The following DLC1 variants were observed in gnomAD, a reference collection of about 807,000 sequenced individuals.
DLC1 encodes rho GTPase-activating protein 7.
DLC1 carries 54 observed loss-of-function variants against 140.3 expected under a neutral mutation model. The ratio of observed to expected loss-of-function variants is 0.38; its 90% CI spans 0.31 to 0.48. The LOEUF (loss-of-function observed/expected upper bound fraction) is 0.48, where lower values mean the gene tolerates loss of function less well. DLC1 is among the 20% of genes least tolerant of loss of function. The probability of loss-of-function intolerance (pLI) is 0.96; values close to 1 mark genes in which losing one functional copy is unlikely to be tolerated. For missense variants in DLC1, 2,536 were observed against 1,907.0 expected, an observed-to-expected ratio of 1.33 and a Z score of -6.14; for synonymous variants, 986 against 728.1, an observed-to-expected ratio of 1.35 and a Z score of -5.70.
chr8:13,454,895 T>C (rs1799317334), intron 2 of DLC1, among the ~76,000 whole-genome samples: 1 of 152,052 alleles, frequency 6.6e-6, no homozygotes, highest in Non-Finnish European at 1.5e-5. Context: ...ATTGGGACCA[T>C]TTGTTGTGGG....
At chr8:13,517,430 T>G (rs1342834957), upstream of DLC1, among the ~76,000 whole-genome samples, 1 of 152,220 alleles carries the variant, frequency 6.6e-6, no homozygotes, top group Non-Finnish European at 1.5e-5. Context: ...AAAAATACAT[T>G]ATGTTTTCTT....
chr8:13,171,978 G>C (rs938960612), intron 5 of DLC1, among the ~76,000 whole-genome samples: 2 of 152,038 alleles, frequency 1.3e-5, no homozygotes, highest in Non-Finnish European at 2.9e-5. Context: ...TAGTTAATGG[G>C]CTCAGCACCA....
intron 5 of DLC1, among the ~76,000 whole-genome samples, chr8:13,210,179 T>A (rs1044693972): frequency 6.6e-6 from 1 of 152,168 alleles, no homozygotes; most frequent in African/African-American, 2.4e-5. Flanking sequence ...ATTTCTTGCT[T>A]TTATTTTATT....
intron 5 of DLC1, among the ~76,000 whole-genome samples, chr8:13,233,317 A>T (rs1457504690): frequency 6.7e-6 from 1 of 149,530 alleles, no homozygotes; most frequent in East Asian, 1.9e-4. Context: ...AAAAAAAAAA[A>T]AAAAAAAAGA....
chr8:13,126,365 C>CCACACACACACACA (rs974648895), intron 5 of DLC1, among the ~76,000 whole-genome samples: 1 of 106,530 alleles, frequency 9.4e-6, no homozygotes, highest in African/African-American at 5.3e-5. Flanking sequence ...ATCTCTCTAT[C>CCACACACACACACA]CATACACACA....
chr8:13,528,360 A>G (rs1164676245), intron 1 of DLC1, among the ~76,000 whole-genome samples: 1 of 152,192 alleles, frequency 6.6e-6, no homozygotes, highest in Non-Finnish European at 1.5e-5. Context: ...TAAAAATTTA[A>G]CATTTTGTAA....
chr8:13,399,584 C>G (rs980776632), intron 3 of DLC1, among the ~76,000 whole-genome samples: 1 of 152,082 alleles, frequency 6.6e-6, no homozygotes, highest in Admixed American at 6.6e-5. Flanking sequence ...TCTCAGCGAG[C>G]CCTAAGAGAC....
intron 2 of DLC1, among the ~76,000 whole-genome samples, chr8:13,477,277 G>C (rs1800475992): frequency 6.6e-6 from 1 of 152,186 alleles, no homozygotes; most frequent in African/African-American, 2.4e-5. Context: ...CAAGAAGACA[G>C]CGTGGAAGAT....
chr8:13,177,189 T>C (rs1342287372), intron 5 of DLC1, among the ~76,000 whole-genome samples: 1 of 152,194 alleles, frequency 6.6e-6, no homozygotes, highest in Admixed American at 6.5e-5. Flanking sequence ...GTCTACTGTC[T>C]CTGAAAGATG....
At chr8:13,310,196 T>C (rs1832618024) in intron 4 of DLC1, among the ~76,000 whole-genome samples, 2 of 152,336 alleles carry the variant, frequency 1.3e-5, no homozygotes, top group East Asian at 1.9e-4. Context: ...CTATCTATTT[T>C]GTGCTTTCTC....
At chr8:13,383,715 G>A (rs951388610) in intron 4 of DLC1, among the ~76,000 whole-genome samples, 4 of 152,112 alleles carry the variant, frequency 2.6e-5, no homozygotes, top group Non-Finnish European at 5.9e-5. Flanking sequence ...CACTTGCATC[G>A]GTGGAAGTCA....
chr8:13,141,118 G>C (rs1321732299), intron 5 of DLC1, among the ~76,000 whole-genome samples: 2 of 151,994 alleles, frequency 1.3e-5, no homozygotes, highest in African/African-American at 4.8e-5. Context: ...AGCTGGGCAT[G>C]GTGGCGCATG....
intron 10 of DLC1, among the ~76,000 whole-genome samples, chr8:13,097,045 CA>C (rs758142389): frequency 8.5e-5 from 13 of 152,150 alleles, no homozygotes; most frequent in Non-Finnish European, 1.2e-4. Context: ...GCCTACCCCT[CA>C]CATTCTATAT....
At chr8:13,268,903 C>T (rs983402848) in intron 5 of DLC1, among the ~76,000 whole-genome samples, 1 of 127,568 alleles carries the variant, frequency 7.8e-6, no homozygotes, top group African/African-American at 3.0e-5. Context: ...GAGATGGAGT[C>T]TCACTCTGTG....
chr8:13,458,094 C>T (rs575227843), intron 2 of DLC1, among the ~76,000 whole-genome samples: 5 of 152,030 alleles, frequency 3.3e-5, no homozygotes, highest in Admixed American at 1.3e-4. Context: ...GCAATCAGTA[C>T]GGAATCCATT....
At chr8:13,576,497 A>G (rs895411636) in intron 1 of DLC1, among the ~76,000 whole-genome samples, 2 of 152,168 alleles carry the variant, frequency 1.3e-5, no homozygotes, top group Non-Finnish European at 1.5e-5. Context: ...ACATAGAAAT[A>G]TGTTGCCTCC....
chr8:13,137,964 T>C (rs1394517242), intron 5 of DLC1, among the ~76,000 whole-genome samples: 1 of 152,152 alleles, frequency 6.6e-6, no homozygotes, highest in African/African-American at 2.4e-5. Context: ...TGTTTTCCCA[T>C]TCAACTGTGG....
Position 13,304,069 on chromosome 8 carries a change from T to C in DLC1, c.1348+1200A>G, listed in dbSNP as rs555987069. 3.3e-5 allele frequency among the ~76,000 whole-genome samples: 5 copies of C among 152,272 alleles called. No individual in the cohort carries two copies. The South Asian group carries it at 1.0e-3, about 32-fold the overall frequency. The stretch of plus-strand genomic sequence containing the variant: ...GACAACTTTGTTCTGTTATATACTT[T>C]GTTTAAATTGCAGTGAATTATGGGG... On this transcript the variant is annotated intron_variant, in intron 5 of 17. Coordinates refer to ENST00000276297, the MANE Select transcript of DLC1 (RefSeq NM_182643.3).
intron 5 of DLC1, among the ~76,000 whole-genome samples, chr8:13,207,420 A>T (rs1357697225): frequency 6.6e-6 from 1 of 152,154 alleles, no homozygotes; most frequent in Non-Finnish European, 1.5e-5. Flanking sequence ...CGGCTTTTAA[A>T]ATCAAGTATT....
Sources: gnomAD v4.1 joint callset for allele counts (sites outside exome capture counted in the v4.1 genomes callset) on GRCh38, gnomAD v4.1.1 for gene constraint, MANE v1.5 for transcripts, NCBI Gene and HGNC (gene_info 2026-07-23, HGNC 2026-07-21) for gene names.